The following GPC5 variants were observed in gnomAD, a reference collection of about 807,000 sequenced individuals.
GPC5 encodes glypican 5.
GPC5 carries 47 observed loss-of-function variants against 53.9 expected under a neutral mutation model. The observed-to-expected ratio is 0.87, with a 90% confidence interval of 0.69 to 1.11. The LOEUF is 1.11. GPC5 is among the 50% of genes most tolerant of loss of function. The pLI is 0.00. For synonymous variants in GPC5, 286 were observed against 263.3 expected (o/e 1.09, Z -0.84); for missense variants, 748 against 713.1 (o/e 1.05, Z -0.56).
intron 7 of GPC5, among the ~76,000 whole-genome samples, chr13:92,813,840 G>C (rs1332762482): frequency 6.6e-6 from 1 of 152,034 alleles, no homozygotes; most frequent in Admixed American, 6.6e-5. Context: ...TGTACATTCA[G>C]TGGAATTCAA....
chr13:91,869,667 A>G (rs978801043), intron 5 of GPC5, among the ~76,000 whole-genome samples: 1 of 152,158 alleles, frequency 6.6e-6, no homozygotes, highest in Non-Finnish European at 1.5e-5. Context: ...CCGTTCTCAC[A>G]TTGCTATAAA....
At chr13:92,720,940 G>T (rs1888492033) in intron 7 of GPC5, among the ~76,000 whole-genome samples, 1 of 151,990 alleles carries the variant, frequency 6.6e-6, no homozygotes, top group Non-Finnish European at 1.5e-5. Flanking sequence ...CACAGAATGG[G>T]CCTGATTTGT....
chr13:91,441,767 G>A lies in GPC5; in HGVS notation c.164-6994G>A, dbSNP rs553390152. On this transcript the variant is annotated intron_variant, in intron 1 of 7. Coordinates refer to ENST00000377067, the MANE Select transcript of GPC5 (RefSeq NM_004466.6). ...ATTTCCAAAACTCGTCTCAGTTCTTGGATGTATACAAAGAAGATAGTCTCC... is the reference window on the plus strand; with the variant it reads ...ATTTCCAAAACTCGTCTCAGTTCTTAGATGTATACAAAGAAGATAGTCTCC... Among the ~76,000 whole-genome samples, 3 of 152,238 alleles carry A rather than the reference G, an allele frequency of 2.0e-5. No homozygotes were observed. In the South Asian group the frequency reaches 6.2e-4, roughly 32 times the overall value.
intron 5 of GPC5, among the ~76,000 whole-genome samples, chr13:91,788,970 T>G (rs1330992467): frequency 6.6e-6 from 1 of 152,130 alleles, no homozygotes; most frequent in Non-Finnish European, 1.5e-5. Flanking sequence ...TCCCAGCACT[T>G]TGGGAGGCCA....
At chr13:92,852,088 A>C (rs971152928) in intron 7 of GPC5, among the ~76,000 whole-genome samples, 4 of 152,156 alleles carry the variant, frequency 2.6e-5, no homozygotes, top group African/African-American at 9.7e-5. Context: ...GTCCAGAGGC[A>C]TCAGGGCACT....
chr13:92,826,674 G>C (rs1454481443), intron 7 of GPC5, among the ~76,000 whole-genome samples: 1 of 152,106 alleles, frequency 6.6e-6, no homozygotes, highest in Non-Finnish European at 1.5e-5. Context: ...TGTATACTTA[G>C]TTTTACCATA....
At chr13:92,839,382 C>G (rs546597241) in intron 7 of GPC5, among the ~76,000 whole-genome samples, 6 of 152,060 alleles carry the variant, frequency 3.9e-5, no homozygotes, top group Admixed American at 6.6e-5. Context: ...TTTTGTTGTA[C>G]AGATTATCTC....
At chr13:92,583,982 G>A (rs1277317648) in intron 7 of GPC5, among the ~76,000 whole-genome samples, 1 of 152,106 alleles carries the variant, frequency 6.6e-6, no homozygotes, top group Non-Finnish European at 1.5e-5. Context: ...ATGATTGTGA[G>A]GCTTCCCCAG....
chr13:91,780,113 G>T (rs73609173), intron 5 of GPC5, among the ~76,000 whole-genome samples: 3,843 of 152,248 alleles, frequency 0.025, 156 homozygotes, highest in African/African-American at 0.087. Context: ...TGTTATAAAG[G>T]CTACGGTGTC....
intron 7 of GPC5, among the ~76,000 whole-genome samples, chr13:92,692,687 T>G (rs1455977824): frequency 7.2e-6 from 1 of 139,280 alleles, no homozygotes; most frequent in Non-Finnish European, 1.5e-5. Context: ...TAATAATAAA[T>G]TAAAAAAAAC....
rs142000944 is a variant in GPC5, at chr13:91,929,500, C to T, written c.1401+21443C>T. 5.7e-4 allele frequency among the ~76,000 whole-genome samples: 86 copies of T among 152,194 alleles called. No individual in the cohort carries two copies. The East Asian group carries it at 8.1e-3, about 14-fold the overall frequency. On this transcript the variant is annotated intron_variant, in intron 6 of 7. Coordinates refer to ENST00000377067, the MANE Select transcript of GPC5 (RefSeq NM_004466.6). Reference sequence around the variant, plus strand: ...AGATTACCTCCATCTTAATTTTCAACGTAAACTTTTAGCAGACTCTTTCAT... The same window carrying T: ...AGATTACCTCCATCTTAATTTTCAATGTAAACTTTTAGCAGACTCTTTCAT...
chr13:91,650,894 A>G (rs1057021800), intron 2 of GPC5, among the ~76,000 whole-genome samples: 1 of 151,822 alleles, frequency 6.6e-6, no homozygotes, highest in African/African-American at 2.4e-5. Context: ...GGTGCCTTCT[A>G]TCCAGCAATT....
At chr13:91,589,188 TG>T (rs2032706867) in intron 2 of GPC5, among the ~76,000 whole-genome samples, 1 of 147,384 alleles carries the variant, frequency 6.8e-6, no homozygotes, top group Non-Finnish European at 1.5e-5. Flanking sequence ...TCTTTCAAAC[TG>T]TTTTTTTATG....
chr13:92,158,685 A>T (rs927897686), intron 7 of GPC5, among the ~76,000 whole-genome samples: 1 of 151,640 alleles, frequency 6.6e-6, no homozygotes, highest in Admixed American at 6.6e-5. Flanking sequence ...ATTCCTCAAC[A>T]TCTCTTGCCC....
At chr13:92,126,617 C>T (rs2041699633) in intron 6 of GPC5, among the ~76,000 whole-genome samples, 2 of 152,096 alleles carry the variant, frequency 1.3e-5, no homozygotes, top group South Asian at 2.1e-4. Flanking sequence ...TATGTAATGT[C>T]TATGGCTTTG....
At chr13:91,412,594 A>C (rs1283122994) in intron 1 of GPC5, among the ~76,000 whole-genome samples, 2 of 152,254 alleles carry the variant, frequency 1.3e-5, no homozygotes, top group East Asian at 3.8e-4. Context: ...AAACTCAAAT[A>C]ATGTAAATGA....
intron 7 of GPC5, among the ~76,000 whole-genome samples, chr13:92,596,078 T>C (rs1220056491): frequency 6.6e-6 from 1 of 152,186 alleles, no homozygotes; most frequent in Admixed American, 6.5e-5. Context: ...GATGTTTGAG[T>C]ACCGTGAATC....
At chr13:92,697,770 T>C (rs1048919023) in intron 7 of GPC5, among the ~76,000 whole-genome samples, 12 of 152,218 alleles carry the variant, frequency 7.9e-5, no homozygotes, top group Non-Finnish European at 1.8e-4. Flanking sequence ...CCTTGTCTTG[T>C]GCCAGTTTTC....
intron 7 of GPC5, among the ~76,000 whole-genome samples, chr13:92,502,245 G>A (rs576403921): frequency 2.0e-5 from 3 of 151,864 alleles, no homozygotes; most frequent in East Asian, 3.9e-4. Context: ...TGCAGTAGGT[G>A]TATTTAAATA....
Sources: gnomAD v4.1 joint callset for allele counts (sites outside exome capture counted in the v4.1 genomes callset) on GRCh38, gnomAD v4.1.1 for gene constraint, MANE v1.5 for transcripts, NCBI Gene and HGNC (gene_info 2026-07-23, HGNC 2026-07-21) for gene names.